Variants in ENTREP2 observed in about 807,000 individuals in gnomAD.
ENTREP2 encodes the protein endosomal transmembrane epsin interactor 2.
chr15:29,548,120 A>T, the ENTREP2 span, among the ~76,000 whole-genome samples: 1 of 152,138 alleles, frequency 6.6e-6, no homozygotes, highest in Non-Finnish European at 1.5e-5. Flanking sequence ...GGTTAGCTGC[A>T]CAACAGTGTG....
chr15:29,459,494 C>T, the ENTREP2 span, among the ~76,000 whole-genome samples: 2 of 152,216 alleles, frequency 1.3e-5, no homozygotes, highest in Non-Finnish European at 2.9e-5. Context: ...GTCCTCAATT[C>T]TCCAGTCTTC....
the ENTREP2 span, among the ~76,000 whole-genome samples, chr15:29,600,750 G>A: frequency 5.9e-5 from 9 of 152,006 alleles, no homozygotes; most frequent in Admixed American, 3.3e-4. Context: ...GAGACTACAG[G>A]CATGAGCCAC....
chr15:29,176,296 T>C, the ENTREP2 span, among the ~76,000 whole-genome samples: 1 of 152,116 alleles, frequency 6.6e-6, no homozygotes, highest in Non-Finnish European at 1.5e-5. Flanking sequence ...GGGGGCACAT[T>C]CATTTGCCTG....
At chr15:29,356,624 A>G in the ENTREP2 span, among the ~76,000 whole-genome samples, 1 of 151,886 alleles carries the variant, frequency 6.6e-6, no homozygotes. Context: ...TTTTTTAAAA[A>G]CATATTGATA....
At chr15:29,264,189 A>G in the ENTREP2 span, among the ~76,000 whole-genome samples, 1 of 127,624 alleles carries the variant, frequency 7.8e-6, no homozygotes, top group South Asian at 2.9e-4. Flanking sequence ...TTTTGTGCCA[A>G]CAAGCAAGGA....
chr15:29,267,915 A>C, the ENTREP2 span: 1 of 152,208 alleles, frequency 6.6e-6, no homozygotes, highest in Non-Finnish European at 1.5e-5. Context: ...ATCTCAACCC[A>C]GACAGTCCGA....
chr15:29,429,939 A>G, the ENTREP2 span, among the ~76,000 whole-genome samples: 24 of 152,182 alleles, frequency 1.6e-4, no homozygotes, highest in Non-Finnish European at 2.2e-4. Flanking sequence ...AGCCACCCAC[A>G]TACCCCATCT....
At chr15:29,534,610 G>C in the ENTREP2 span, among the ~76,000 whole-genome samples, 2 of 152,148 alleles carry the variant, frequency 1.3e-5, no homozygotes, top group African/African-American at 2.4e-5. Flanking sequence ...AAATTCTTTT[G>C]AGGGCATGAG....
the ENTREP2 span, among the ~76,000 whole-genome samples, chr15:29,151,160 A>G: frequency 0.15 from 22,634 of 152,114 alleles, 3,109 homozygotes; most frequent in African/African-American, 0.36. Flanking sequence ...CCCACATATT[A>G]TAACATGTGT....
At chr15:29,397,330 G>A in the ENTREP2 span, among the ~76,000 whole-genome samples, 1 of 152,172 alleles carries the variant, frequency 6.6e-6, no homozygotes, top group Non-Finnish European at 1.5e-5. Context: ...GGCAGAGGTT[G>A]CCGTGAGCCG....
At chr15:29,536,527 C>T in the ENTREP2 span, among the ~76,000 whole-genome samples, 17 of 151,466 alleles carry the variant, frequency 1.1e-4, no homozygotes, top group Non-Finnish European at 2.2e-4. Flanking sequence ...TCGCTTGAAC[C>T]CGGGAGGCAG....
chr15:29,640,558 G>C, the ENTREP2 span, among the ~76,000 whole-genome samples: 6 of 152,074 alleles, frequency 3.9e-5, no homozygotes, highest in Admixed American at 3.9e-4. Context: ...GCTACTCTGG[G>C]AGATGGAGGT....
chr15:29,130,846 A>G, the ENTREP2 span, among the ~76,000 whole-genome samples: 1 of 152,208 alleles, frequency 6.6e-6, no homozygotes, highest in Non-Finnish European at 1.5e-5. Flanking sequence ...CTATAACAGC[A>G]GTAGAAAAGG....
the ENTREP2 span, among the ~76,000 whole-genome samples, chr15:29,299,394 C>T: frequency 6.6e-6 from 1 of 152,210 alleles, no homozygotes; most frequent in Admixed American, 6.5e-5. Context: ...ACTGCTGCCT[C>T]TTCAGCGTCA....
At chr15:29,490,822 C>T in the ENTREP2 span, among the ~76,000 whole-genome samples, 17 of 152,338 alleles carry the variant, frequency 1.1e-4, no homozygotes, top group Non-Finnish European at 1.9e-4. Flanking sequence ...TAGTGGATCC[C>T]GTGCCAGGGC....
chr15:29,308,595 A>G, the ENTREP2 span, among the ~76,000 whole-genome samples: 1 of 152,116 alleles, frequency 6.6e-6, no homozygotes, highest in Non-Finnish European at 1.5e-5. Context: ...CTTCCTCAGC[A>G]ACACAGGGAT....
the ENTREP2 span, among the ~76,000 whole-genome samples, chr15:29,624,312 A>T: frequency 6.6e-6 from 1 of 151,884 alleles, no homozygotes; most frequent in African/African-American, 2.4e-5. Context: ...GTCTCCCAAT[A>T]ACGCGCACAC....
chr15:29,549,855 T>A, the ENTREP2 span, among the ~76,000 whole-genome samples: 3 of 152,202 alleles, frequency 2.0e-5, no homozygotes, highest in Admixed American at 1.3e-4. Context: ...TCAGGCTGAC[T>A]GAAATTGGCT....
the ENTREP2 span, among the ~76,000 whole-genome samples, chr15:29,381,209 C>A: frequency 6.7e-6 from 1 of 149,694 alleles, no homozygotes; most frequent in Non-Finnish European, 1.5e-5. Context: ...GTAATCCCAG[C>A]ACTTTGGGAG....
Sources: gnomAD v4.1 joint callset for allele counts (sites outside exome capture counted in the v4.1 genomes callset) on GRCh38, gnomAD v4.1.1 for gene constraint, MANE v1.5 for transcripts, NCBI Gene and HGNC (gene_info 2026-07-23, HGNC 2026-07-21) for gene names.